Variants in USP13 observed in about 807,000 individuals in gnomAD.
USP13 encodes ubiquitin specific peptidase 13.
USP13 carries 68 observed loss-of-function variants against 107.8 expected under a neutral mutation model. That is an observed-to-expected ratio of 0.63 (90% confidence interval 0.52 to 0.77). USP13 has a LOEUF of 0.77. Among genes scored for constraint, USP13 ranks in the 30% least tolerant of loss-of-function variants. USP13 has a pLI of 0.00. For synonymous variants in USP13, 377 were observed against 389.5 expected (o/e 0.97, Z 0.38); for missense variants, 945 against 1,093.3 (o/e 0.86, Z 1.91).
intron 13 of USP13, 77 bp downstream of exon 13, chr3:179,745,294 G>A (rs1714362719): frequency 1.4e-5 from 21 of 1,503,394 alleles, no homozygotes; most frequent in Non-Finnish European, 1.9e-5. Context: ...GGGAAAGGGG[G>A]TGGGTGTTAT....
chr3:179,789,305 C>T lies in USP13; in HGVS notation c.*5164C>T, dbSNP rs1314687138. ...TGCACTAGTCACAGTTGTTGTTAAA[C>T]TGTATCAAATGTTTTGGGAGATTAT... On this transcript the variant is annotated 3_prime_UTR_variant, in exon 21 of 21. Transcript: ENST00000263966. 2 of 152,126 alleles carry T rather than the reference C, an allele frequency of 1.3e-5. No homozygotes were observed. The highest frequency in any genetic ancestry group is 4.8e-5 in the African/African-American group (2 of 41,426). The allele number at this position is 152,126 out of a possible 1,614,324, so 9.4% of individuals were successfully genotyped here. A position where few individuals can be genotyped will look rare whatever the true frequency, so the allele number is the denominator to read the frequency against.
chr3:179,744,343 G>GT lies in USP13; in HGVS notation c.1535-689dup, dbSNP rs3216643. ...TTGCCAGGCGCTTAGTGGTGGTTCT[G>GT]TTTTTTTTTTTGTTTTGTTTTGTTT... On this transcript the variant is annotated intron_variant, in intron 12 of 20. Coordinates refer to ENST00000263966, the MANE Select transcript of USP13 (RefSeq NM_003940.3). Among the ~76,000 whole-genome samples, 191 of 121,164 alleles carry GT rather than the reference G, an allele frequency of 1.6e-3. 1 individual carries two copies. Among genetic ancestry groups the GT allele is most frequent in the Middle Eastern group, 4.1e-3 (1 of 244 alleles). 79.5% of individuals were successfully genotyped at this position (121,164 alleles called of 152,430 possible).
rs1715896814 is a variant in USP13, at chr3:179,785,663, A to G, written c.*1522A>G. 1.3e-5 allele frequency: 2 copies of G among 152,226 alleles called. No individual in the cohort carries two copies. Among genetic ancestry groups the G allele is most frequent in the East Asian group, 1.9e-4 (1 of 5,192 alleles). The allele number at this position is 152,226 out of a possible 1,614,324, so 9.4% of individuals were successfully genotyped here. A position where few individuals can be genotyped will look rare whatever the true frequency, so the allele number is the denominator to read the frequency against. On this transcript the variant is annotated 3_prime_UTR_variant, in exon 21 of 21. Coordinates refer to ENST00000263966, the MANE Select transcript of USP13 (RefSeq NM_003940.3). Reference sequence around the variant, plus strand: ...CAACCAGGTGAAACAAAGCACAGACATTGGGTTAGGATGTAGTGAGTTGTG... The same window carrying G: ...CAACCAGGTGAAACAAAGCACAGACGTTGGGTTAGGATGTAGTGAGTTGTG...
intron 1 of USP13, among the ~76,000 whole-genome samples, chr3:179,660,169 G>T (rs563542942): frequency 6.6e-6 from 1 of 152,062 alleles, no homozygotes; most frequent in South Asian, 2.1e-4. Context: ...AATTACATTC[G>T]CATTGTTGTG....
At chr3:179,773,229 T>C (rs1322452533) in intron 19 of USP13, among the ~76,000 whole-genome samples, 2 of 152,200 alleles carry the variant, frequency 1.3e-5, no homozygotes, top group Admixed American at 6.5e-5. Flanking sequence ...TGTTAGTAAG[T>C]TGGCAATTTT....
intron 2 of USP13, among the ~76,000 whole-genome samples, chr3:179,689,731 A>G (rs1455635200): frequency 6.6e-6 from 1 of 152,178 alleles, no homozygotes; most frequent in Non-Finnish European, 1.5e-5. Flanking sequence ...CGGTGCTCCA[A>G]AAATGTTTAG....
rs1474416419 is a variant in USP13, at chr3:179,787,832, C to G, written c.*3691C>G. 6.6e-6 allele frequency: 1 copy of G among 152,206 alleles called. No homozygotes were observed. Among genetic ancestry groups the G allele is most frequent in the Non-Finnish European group, 1.5e-5 (1 of 68,076 alleles). 9.4% of individuals were successfully genotyped at this position (152,206 alleles called of 1,614,324 possible). A position where few individuals can be genotyped will look rare whatever the true frequency, so the allele number is the denominator to read the frequency against. On this transcript the variant is annotated 3_prime_UTR_variant, in exon 21 of 21. Coordinates refer to ENST00000263966, the MANE Select transcript of USP13 (RefSeq NM_003940.3). ...GGCCAGGCTGGTCTTGAACTCTTGA[C>G]CTCAACCTGCCTCAGCCTCCCAAAG...
chr3:179,712,317 G>GCCC (rs1712959929), intron 6 of USP13, among the ~76,000 whole-genome samples: 1 of 152,050 alleles, frequency 6.6e-6, no homozygotes, highest in African/African-American at 2.4e-5. Flanking sequence ...GCAACAAACA[G>GCCC]ATATTCAGTG....
intron 1 of USP13, among the ~76,000 whole-genome samples, chr3:179,674,418 A>C (rs1392958019): frequency 6.6e-6 from 1 of 152,202 alleles, no homozygotes; most frequent in African/African-American, 2.4e-5. Context: ...AAACAACCTC[A>C]TCCATCGTGA....
At chr3:179,719,631 A>T (rs1040072901) in intron 6 of USP13, among the ~76,000 whole-genome samples, 1 of 152,172 alleles carries the variant, frequency 6.6e-6, no homozygotes, top group African/African-American at 2.4e-5. Context: ...TAGAAAAATC[A>T]AGTGTTAGGC....
chr3:179,660,391 G>A (rs946083254), intron 1 of USP13, among the ~76,000 whole-genome samples: 1 of 152,252 alleles, frequency 6.6e-6, no homozygotes, highest in African/African-American at 2.4e-5. Context: ...TTGTCCTTTC[G>A]TGTCTGGCTT....
chr3:179,655,698 G>A (rs1720238745), intron 1 of USP13, among the ~76,000 whole-genome samples: 1 of 152,016 alleles, frequency 6.6e-6, no homozygotes, highest in African/African-American at 2.4e-5. Context: ...GGGATTACAG[G>A]CGTGTGCCAC....
rs1254030374 is a variant in USP13 at position 179,727,883 on chromosome 3, C to T, written c.1089-2306C>T. Among the ~76,000 whole-genome samples, 6 of 71,520 alleles carry T rather than the reference C, an allele frequency of 8.4e-5. 1 individual carries two copies. The highest frequency in any genetic ancestry group is 2.9e-4 in the Admixed American group (2 of 6,786). 46.9% of individuals were successfully genotyped at this position (71,520 alleles called of 152,430 possible). On this transcript the variant is annotated intron_variant, in intron 8 of 20. Coordinates refer to ENST00000263966, the MANE Select transcript of USP13 (RefSeq NM_003940.3). ...CCCAGTAGGGGCGGCCGGGCAGAGGCGCCCCTCACCTCCCGGACGGGGCGG... is the reference window on the plus strand; with the variant it reads ...CCCAGTAGGGGCGGCCGGGCAGAGGTGCCCCTCACCTCCCGGACGGGGCGG...
At chr3:179,727,801 C>A (rs1441563529) in intron 8 of USP13, among the ~76,000 whole-genome samples, 3 of 30,886 alleles carry the variant, frequency 9.7e-5, no homozygotes, top group South Asian at 1.4e-3. Flanking sequence ...GGGGCTGACC[C>A]CCCCCCCACC....
intron 19 of USP13, among the ~76,000 whole-genome samples, chr3:179,775,170 G>A (rs1715482057): frequency 6.6e-6 from 1 of 152,024 alleles, no homozygotes; most frequent in African/African-American, 2.4e-5. Flanking sequence ...TAGATGCAGA[G>A]TGCTGATTGG....
At chr3:179,728,187 G>C (rs2108501508) in intron 8 of USP13, among the ~76,000 whole-genome samples, 1 of 144,822 alleles carries the variant, frequency 6.9e-6, no homozygotes, top group East Asian at 2.2e-4. Context: ...GGGGCGGCTG[G>C]CCTGGCGGGG....
intron 14 of USP13, among the ~76,000 whole-genome samples, chr3:179,753,895 A>G (rs1157874764): frequency 6.6e-6 from 1 of 152,228 alleles, no homozygotes; most frequent in Non-Finnish European, 1.5e-5. Flanking sequence ...TTGTATTTGA[A>G]TAAGTCAACA....
chr3:179,728,486 TCA>T (rs1713656462), intron 8 of USP13, among the ~76,000 whole-genome samples: 1 of 148,652 alleles, frequency 6.7e-6, no homozygotes, highest in African/African-American at 2.5e-5. Context: ...GAGACGCTCC[TCA>T]CTTTCCAGAC....
intron 14 of USP13, among the ~76,000 whole-genome samples, chr3:179,752,861 G>A (rs1714660727): frequency 6.6e-6 from 1 of 152,202 alleles, no homozygotes; most frequent in Non-Finnish European, 1.5e-5. Flanking sequence ...GCAGGCAGGT[G>A]TGGCTAATGA....
Sources: allele counts gnomAD v4.1 joint callset (sites outside exome capture counted in the v4.1 genomes callset), GRCh38; gene constraint gnomAD v4.1.1; transcripts MANE v1.5; gene names NCBI Gene and HGNC (gene_info 2026-07-23, HGNC 2026-07-21).